Variants in ATP13A4 observed in about 807,000 individuals in gnomAD.
The protein encoded by ATP13A4 is ATPase 13A4, also known as probable cation-transporting ATPase 13A4.
In ATP13A4, 114 loss-of-function variants were observed where a neutral mutation model predicts 142.5. The ratio of observed to expected loss-of-function variants is 0.80; its 90% confidence interval spans 0.69 to 0.93. The LOEUF (loss-of-function observed/expected upper bound fraction) is 0.93. ATP13A4 is among the 40% of genes least tolerant of loss of function. The pLI, the probability that ATP13A4 is intolerant of heterozygous loss-of-function variation, is 0.00. For missense variants in ATP13A4, 1,392 were observed against 1,454.0 expected, an observed-to-expected ratio of 0.96 and a Z score of 0.69; for synonymous variants, 488 against 514.8, an observed-to-expected ratio of 0.95 and a Z score of 0.70.
At chr3:193,532,578 G>A (rs1393320349) in intron 1 of ATP13A4, among the ~76,000 whole-genome samples, 1 of 151,692 alleles carries the variant, frequency 6.6e-6, no homozygotes, top group Non-Finnish European at 1.5e-5. Context: ...GGGCATTCTT[G>A]TACAAAATTG....
At chr3:193,520,940 C>T (rs535038063) in intron 1 of ATP13A4, among the ~76,000 whole-genome samples, 39 of 152,266 alleles carry the variant, frequency 2.6e-4, no homozygotes, top group African/African-American at 8.9e-4. Context: ...TGTCACCTCT[C>T]TGGTCATTGA....
At chr3:193,412,962 G>A (rs1378156465) in intron 26 of ATP13A4, among the ~76,000 whole-genome samples, 1 of 152,132 alleles carries the variant, frequency 6.6e-6, no homozygotes, top group Non-Finnish European at 1.5e-5. Context: ...GGCAGAGGTT[G>A]CAGTGAGCCT....
At chr3:193,568,694 GACTGGGGAC>G (rs1201947290) in intron 2 of ATP13A4, among the ~76,000 whole-genome samples, 1 of 152,118 alleles carries the variant, frequency 6.6e-6, no homozygotes, top group East Asian at 1.9e-4. Flanking sequence ...CTGAATCTAG[GACTGGGGAC>G]ACAAATATAC....
upstream of ATP13A4, among the ~76,000 whole-genome samples, chr3:193,556,142 A>G (rs1387838267): frequency 6.6e-6 from 1 of 152,196 alleles, no homozygotes; most frequent in Admixed American, 6.5e-5. Flanking sequence ...TACAAACTCC[A>G]TTCTCCTCTA....
At chr3:193,581,444 T>A (rs1204768019) in intron 2 of ATP13A4, among the ~76,000 whole-genome samples, 1 of 152,004 alleles carries the variant, frequency 6.6e-6, no homozygotes. Flanking sequence ...GAACGCAGAG[T>A]TAGAAAGAGA....
chr3:193,509,062 G>T (rs1468249224), intron 2 of ATP13A4, among the ~76,000 whole-genome samples: 5 of 151,546 alleles, frequency 3.3e-5, no homozygotes, highest in African/African-American at 4.8e-5. Context: ...CTACAAAAAG[G>T]AATCCAGCAC....
At position 193,527,469 on chromosome 3, in the gene ATP13A4, G is replaced by C. The variant is rs1232996499; in HGVS notation, c.61-12598C>G. ...TCTACTAAAAATACAAAAATTAGCT[G>C]GGCATGGTGACATGTGCCTGTAATC... is the stretch of plus-strand genomic sequence containing the variant. On this transcript the variant is annotated intron_variant, in intron 1 of 29. Coordinates refer to ENST00000342695, the MANE Select transcript of ATP13A4 (RefSeq NM_032279.4). Among the ~76,000 whole-genome samples the C allele has an allele frequency of 2.0e-5, 3 of 152,018 alleles. No homozygotes were observed. The East Asian group carries it at 5.8e-4, about 29-fold the overall frequency.
At chr3:193,493,263 T>G (rs1430005955) in intron 3 of ATP13A4, 103 bp from the exon 4 acceptor site, 1 of 924,846 alleles carries the variant, frequency 1.1e-6, no homozygotes, top group Admixed American at 2.1e-5. Flanking sequence ...AAGATAAAAC[T>G]CTAACATACT....
intron 8 of ATP13A4, among the ~76,000 whole-genome samples, chr3:193,473,684 G>A (rs958591801): frequency 6.6e-6 from 1 of 152,120 alleles, no homozygotes; most frequent in African/African-American, 2.4e-5. Flanking sequence ...CCATCTGAGA[G>A]GAAGCAGTGA....
At chr3:193,433,766 T>C in intron 25 of ATP13A4, 79 bp downstream of exon 25, 1 of 1,012,148 alleles carries the variant, frequency 9.9e-7, no homozygotes, top group South Asian at 1.3e-5. Flanking sequence ...CTGTTCCTCA[T>C]GGTAGACAAA....
chr3:193,572,922 G>A (rs937366556), intron 2 of ATP13A4, among the ~76,000 whole-genome samples: 1 of 149,790 alleles, frequency 6.7e-6, no homozygotes. Context: ...GAGCTCAGGA[G>A]TTCGAGACCA....
chr3:193,425,628 G>C (rs1715619259), intron 25 of ATP13A4, among the ~76,000 whole-genome samples: 1 of 151,774 alleles, frequency 6.6e-6, no homozygotes, highest in Admixed American at 6.6e-5. Flanking sequence ...AATTCCACAT[G>C]ACCTCACTCA....
chr3:193,414,145 C>T (rs888950912), intron 26 of ATP13A4, among the ~76,000 whole-genome samples: 26 of 152,052 alleles, frequency 1.7e-4, no homozygotes, highest in Non-Finnish European at 1.2e-4. Context: ...CAGGTTCCCC[C>T]GATAAACAAC....
intron 2 of ATP13A4, among the ~76,000 whole-genome samples, chr3:193,581,438 G>A (rs1445812607): frequency 1.3e-5 from 2 of 152,140 alleles, no homozygotes; most frequent in South Asian, 2.1e-4. Flanking sequence ...GTCACTGAAC[G>A]CAGAGTTAGA....
intron 2 of ATP13A4, among the ~76,000 whole-genome samples, chr3:193,503,895 C>G (rs1285612651): frequency 6.6e-6 from 1 of 151,914 alleles, no homozygotes; most frequent in East Asian, 1.9e-4. Context: ...CACATTTTAC[C>G]CTTTGCCTAT....
At chr3:193,413,336 A>G (rs1434904518) in intron 26 of ATP13A4, among the ~76,000 whole-genome samples, 1 of 152,172 alleles carries the variant, frequency 6.6e-6, no homozygotes, top group African/African-American at 2.4e-5. Flanking sequence ...CAGGACCACT[A>G]TTGTACAAAT....
intron 2 of ATP13A4, among the ~76,000 whole-genome samples, chr3:193,573,201 C>G (rs1254072205): frequency 1.4e-5 from 2 of 147,296 alleles, no homozygotes; most frequent in Admixed American, 6.8e-5. Flanking sequence ...AGAAATACCA[C>G]AGATTAATAT....
chr3:193,418,176 G>T (rs1382693538), intron 25 of ATP13A4, among the ~76,000 whole-genome samples: 2 of 120,128 alleles, frequency 1.7e-5, no homozygotes, highest in African/African-American at 3.3e-5. Flanking sequence ...AATTAGCCAG[G>T]CGAGGTGGCG....
intron 2 of ATP13A4, among the ~76,000 whole-genome samples, chr3:193,565,479 G>A (rs1724113984): frequency 7.2e-5 from 11 of 152,158 alleles, no homozygotes; most frequent in Admixed American, 7.2e-4. Flanking sequence ...CCCTTTGAAA[G>A]GACATCAAAG....
Sources: allele counts gnomAD v4.1 joint callset (sites outside exome capture counted in the v4.1 genomes callset), GRCh38; gene constraint gnomAD v4.1.1; transcripts MANE v1.5; gene names NCBI Gene and HGNC (gene_info 2026-07-23, HGNC 2026-07-21).